Variants in SASH1 observed in about 807,000 individuals in gnomAD.
SASH1 encodes SAM and SH3 domain-containing protein 1.
Under a neutral mutation model 125.2 loss-of-function variants are expected in SASH1, and 44 were observed. The ratio of observed to expected loss-of-function variants is 0.35; its 90% CI spans 0.28 to 0.45. The LOEUF is 0.45. Among genes scored for constraint, SASH1 ranks in the 20% least tolerant of loss-of-function variants. The probability of loss-of-function intolerance (pLI) is 1.00; values close to 1 mark genes in which losing one functional copy is unlikely to be tolerated. For synonymous variants in SASH1, 639 were observed against 649.1 expected (o/e 0.98, Z 0.24); for missense variants, 1,426 against 1,614.5 (o/e 0.88, Z 2.00).
At chr6:148,363,103 G>A (rs1782304425) in intron 1 of SASH1, among the ~76,000 whole-genome samples, 2 of 152,104 alleles carry the variant, frequency 1.3e-5, no homozygotes, top group African/African-American at 4.8e-5. Context: ...AAGGGTTTTG[G>A]GCATGGGCTG....
chr6:148,500,059 G>T (rs1447897448), intron 8 of SASH1, among the ~76,000 whole-genome samples: 1 of 151,966 alleles, frequency 6.6e-6, no homozygotes, highest in Non-Finnish European at 1.5e-5. Flanking sequence ...TTGGCTTTTT[G>T]TTTTTATCTA....
At position 148,544,515 on chromosome 6, in the gene SASH1, T is replaced by C. The variant is rs1282477740; in HGVS notation, c.3045T>C (p.Asp1015=). The part of the protein sequence containing the change: ...MGPSGALPSP[D]APCLPVKRGS... Reference sequence around the variant, plus strand: ...CCAGTGGGGCCCTCCCCAGTCCCGATGCGCCATGCCTGCCAGTGAAAAGGG... The same window carrying C: ...CCAGTGGGGCCCTCCCCAGTCCCGACGCGCCATGCCTGCCAGTGAAAAGGG... The change falls in exon 18 of 20, where the codon GAT becomes GAC. Residue 1015 remains aspartate (D), a synonymous_variant. Transcript: ENST00000367467. The surrounding 1 kb of genome is among the most constrained non-coding windows in gnomAD (Gnocchi z 6.4). 2 of 1,613,384 alleles carry C rather than the reference T, an allele frequency of 1.2e-6. No individual in the cohort carries two copies. Among genetic ancestry groups the C allele is most frequent in the Middle Eastern group, 1.6e-4 (1 of 6,062 alleles).
intron 1 of SASH1, among the ~76,000 whole-genome samples, chr6:148,367,795 G>C (rs1244009739): frequency 1.3e-5 from 2 of 152,208 alleles, no homozygotes; most frequent in African/African-American, 4.8e-5. Context: ...CTGCAGTGCT[G>C]GGGTGAAAAG....
chr6:148,422,906 T>C (rs73011358), intron 2 of SASH1, among the ~76,000 whole-genome samples: 28,013 of 152,156 alleles, frequency 0.18, 2,958 homozygotes, highest in East Asian at 0.28. Flanking sequence ...TCAAATAATA[T>C]GATATCTATC....
chr6:148,509,316 G>C (rs1188887446), intron 8 of SASH1: 1 of 161,436 alleles, frequency 6.2e-6, no homozygotes, highest in African/African-American at 2.4e-5. Context: ...AGGTTAGAGA[G>C]ACCAGTGTGT....
At chr6:148,417,988 A>G (rs1784897946) in intron 2 of SASH1, among the ~76,000 whole-genome samples, 1 of 152,166 alleles carries the variant, frequency 6.6e-6, no homozygotes, top group African/African-American at 2.4e-5. Context: ...CATGTACTCA[A>G]TTTATAGGTG....
In SASH1 at chr6:148,519,532, T is replaced by C. The variant is rs745764828; in HGVS notation, c.863-15T>C. 5.0e-6 allele frequency: 8 copies of C among 1,600,816 alleles called. No individual in the cohort carries two copies. In the East Asian group the frequency reaches 1.1e-4, roughly 22 times the overall value. ...AAAGGTGTGTTCACAAGAGACTCTG[T>C]TGGTTTCCCTCCAGGTGGGGAGGAG... On this transcript the variant is annotated splice_polypyrimidine_tract_variant and intron_variant, in intron 9 of 19. Transcript: ENST00000367467. The surrounding 1 kb of genome is among the most constrained non-coding windows in gnomAD (Gnocchi z 4.8).
At chr6:148,449,078 C>CTTTTTCTTTTTCTTTTTTTTTTTT in intron 4 of SASH1, among the ~76,000 whole-genome samples, 8 of 88,736 alleles carry the variant, frequency 9.0e-5, no homozygotes, top group East Asian at 2.9e-4. Context: ...CATTTCATTT[C>CTTTTTCTTTTTCTTTTTTTTTTTT]TTTTTTTTTT....
the SASH1 span, among the ~76,000 whole-genome samples, chr6:148,259,587 G>A: frequency 1.2e-4 from 18 of 152,196 alleles, no homozygotes; most frequent in African/African-American, 4.3e-4. Flanking sequence ...CGGGAAGGCA[G>A]GGCTAGGTCT....
chr6:148,513,573 T>C (rs982379982), intron 8 of SASH1: 6 of 985,486 alleles, frequency 6.1e-6, no homozygotes, highest in Admixed American at 6.1e-5. Flanking sequence ...CTCTCTGTAA[T>C]GTTTGATACT....
intron 1 of SASH1, chr6:148,280,300 T>G (rs1779304640): frequency 6.6e-6 from 1 of 151,788 alleles, no homozygotes; most frequent in Non-Finnish European, 1.5e-5. Flanking sequence ...GTCAGACTGA[T>G]GCTCACTGCA....
At chr6:148,317,306 C>G (rs1780503358) in intron 1 of SASH1, among the ~76,000 whole-genome samples, 1 of 152,150 alleles carries the variant, frequency 6.6e-6, no homozygotes, top group African/African-American at 2.4e-5. Context: ...TCTGTGACAC[C>G]ATGTTTATCA....
intron 8 of SASH1, among the ~76,000 whole-genome samples, chr6:148,501,355 A>C (rs1482029414): frequency 6.6e-6 from 1 of 152,140 alleles, no homozygotes; most frequent in Non-Finnish European, 1.5e-5. Flanking sequence ...TGGGATGAAC[A>C]CTTTCATCAG....
intron 2 of SASH1, among the ~76,000 whole-genome samples, chr6:148,403,310 G>T (rs1239833354): frequency 6.6e-6 from 1 of 151,802 alleles, no homozygotes; most frequent in East Asian, 1.9e-4. Flanking sequence ...TCACTATGTT[G>T]CCTGGTCTGG....
the SASH1 span, among the ~76,000 whole-genome samples, chr6:148,251,521 T>G: frequency 6.6e-6 from 1 of 151,996 alleles, no homozygotes; most frequent in South Asian, 2.1e-4. Flanking sequence ...CTGAAGAAAA[T>G]TGGAGCATAA....
upstream of SASH1, among the ~76,000 whole-genome samples, chr6:148,269,471 A>G (rs1301967912): frequency 6.6e-6 from 1 of 152,156 alleles, no homozygotes; most frequent in Non-Finnish European, 1.5e-5. Context: ...AAGTCTCACC[A>G]TGTTGCCCAG....
the SASH1 span, among the ~76,000 whole-genome samples, chr6:148,249,263 G>C: frequency 6.6e-6 from 1 of 152,222 alleles, no homozygotes; most frequent in Non-Finnish European, 1.5e-5. Flanking sequence ...TTTCCCTGAG[G>C]GGAGAAGCTG....
At chr6:148,447,013 A>G (rs868103193) in intron 4 of SASH1, among the ~76,000 whole-genome samples, 15 of 152,374 alleles carry the variant, frequency 9.8e-5, no homozygotes, top group Admixed American at 4.6e-4. Context: ...GGTAAAACCT[A>G]CACTTCAGGG....
rs768804300 is a variant in SASH1, at chr6:148,519,611, C to A, written c.927C>A (p.Gly309=). 1.9e-6 allele frequency: 3 copies of A among 1,614,144 alleles called. No homozygotes were observed. Among genetic ancestry groups the A allele is most frequent in the South Asian group, 1.1e-5 (1 of 91,082 alleles). Residue 309 remains glycine, a synonymous_variant, in exon 10 of 20, where the codon GGC becomes GGA. Transcript: ENST00000367467. This position sits in a 1 kb window ranked among gnomAD's most constrained non-coding sequence, Gnocchi z 4.8. ...VLDERSALYS[G]VHKKPLFFDG... Reference sequence around the variant, plus strand: ...ATGAACGGTCCGCCCTCTACTCTGGCGTGCACAAGAAGCCCCTTTTCTTTG... The same window carrying A: ...ATGAACGGTCCGCCCTCTACTCTGGAGTGCACAAGAAGCCCCTTTTCTTTG...
Sources: allele counts gnomAD v4.1 joint callset (sites outside exome capture counted in the v4.1 genomes callset), GRCh38; gene constraint gnomAD v4.1.1; non-coding constraint Gnocchi (gnomAD v3.1); transcripts MANE v1.5; gene names NCBI Gene and HGNC (gene_info 2026-07-23, HGNC 2026-07-21).